ANO3: variants seen among roughly 807,000 people sequenced by gnomAD.
ANO3 encodes anoctamin-3.
A neutral mutation model predicts 144.8 loss-of-function variants in ANO3; 99 were observed. The ratio of observed to expected loss-of-function variants is 0.68; its 90% CI spans 0.58 to 0.81. The LOEUF is 0.81. Among genes scored for constraint, ANO3 ranks in the 30% least tolerant of loss-of-function variants. The probability of loss-of-function intolerance (pLI) is 0.00; values close to 1 mark genes in which losing one functional copy is unlikely to be tolerated. For synonymous variants in ANO3, 414 were observed against 392.6 expected, an observed-to-expected ratio of 1.05 and a Z score of -0.64; for missense variants, 905 against 1,202.2, an observed-to-expected ratio of 0.75 and a Z score of 3.66.
intron 24 of ANO3, among the ~76,000 whole-genome samples, chr11:26,655,902 A>G (rs965441808): frequency 6.6e-6 from 1 of 152,170 alleles, no homozygotes; most frequent in Non-Finnish European, 1.5e-5. Flanking sequence ...CCAGATGAAA[A>G]GGCAAGATAG....
chr11:26,311,274 T>G (rs1378907894), intron 1 of ANO3, among the ~76,000 whole-genome samples: 1 of 152,186 alleles, frequency 6.6e-6, no homozygotes, highest in Non-Finnish European at 1.5e-5. Flanking sequence ...ATGAGGCCAG[T>G]GCTACTACTA....
chr11:26,279,070 TG>T (rs1853620853), intron 1 of ANO3, among the ~76,000 whole-genome samples: 1 of 152,096 alleles, frequency 6.6e-6, no homozygotes, highest in South Asian at 2.1e-4. Context: ...ATAGATTGAA[TG>T]TGAGGAGACT....
At chr11:26,534,945 G>A (rs1332912641) in intron 9 of ANO3, among the ~76,000 whole-genome samples, 2 of 151,898 alleles carry the variant, frequency 1.3e-5, no homozygotes, top group African/African-American at 2.4e-5. Context: ...TGAAAAATAA[G>A]TTAGGCTGTG....
chr11:26,365,943 C>A (rs1856058278), intron 1 of ANO3, among the ~76,000 whole-genome samples: 1 of 146,464 alleles, frequency 6.8e-6, no homozygotes. Flanking sequence ...TCTCCCCAAA[C>A]CATTTTTTCT....
chr11:26,292,536 C>G (rs1463740010), intron 1 of ANO3, among the ~76,000 whole-genome samples: 1 of 152,136 alleles, frequency 6.6e-6, no homozygotes, highest in East Asian at 1.9e-4. Context: ...GGTTTCTCCC[C>G]ATCTTTGTGG....
At chr11:26,653,360 C>T (rs374542745) in intron 24 of ANO3, among the ~76,000 whole-genome samples, 44 of 151,890 alleles carry the variant, frequency 2.9e-4, no homozygotes, top group African/African-American at 9.2e-4. Flanking sequence ...TTTTTTTCCA[C>T]GCCCCACACA....
chr11:26,269,858 T>G (rs1002732957), intron 1 of ANO3, among the ~76,000 whole-genome samples: 1 of 152,232 alleles, frequency 6.6e-6, no homozygotes, highest in African/African-American at 2.4e-5. Context: ...TACCTCTCAA[T>G]GTGACCATAT....
chr11:26,482,718 T>C (rs1432664555), intron 4 of ANO3, among the ~76,000 whole-genome samples: 4 of 152,182 alleles, frequency 2.6e-5, no homozygotes, highest in South Asian at 4.1e-4. Context: ...CTGAATAGTA[T>C]ACATTGTACT....
chr11:26,247,863 G>A (rs754468192), intron 1 of ANO3, among the ~76,000 whole-genome samples: 2 of 151,164 alleles, frequency 1.3e-5, no homozygotes, highest in Admixed American at 1.3e-4. Flanking sequence ...CCGAGTAGCT[G>A]AGATTACAGG....
chr11:26,450,164 G>T (rs1286430298), intron 3 of ANO3, among the ~76,000 whole-genome samples: 1 of 152,156 alleles, frequency 6.6e-6, no homozygotes, highest in South Asian at 2.1e-4. Context: ...TTCACTAGAT[G>T]ATAGTAACTG....
In ANO3 at chr11:26,563,393, CTCTGTGTGTGTG is replaced by C. The variant is rs1369594503; in HGVS notation, c.1447+3616_1447+3627del. 153 of 825,524 alleles carry C rather than the reference CTCTGTGTGTGTG, an allele frequency of 1.9e-4. 1 individual carries two copies. The highest frequency in any genetic ancestry group is 2.6e-4 in the South Asian group (12 of 46,068). 51.1% of individuals were successfully genotyped at this position (825,524 alleles called of 1,614,324 possible). Reference sequence around the variant, plus strand: ...AAATTAGATAATGGTGTGTTTCTCTCTCTGTGTGTGTGTGTGTGTGTGTGTGTGTGTGTGTGT... The same window carrying C: ...AAATTAGATAATGGTGTGTTTCTCTCTGTGTGTGTGTGTGTGTGTGTGTGT... On this transcript the variant is annotated intron_variant, in intron 14 of 26. Coordinates refer to ENST00000256737, the MANE Select transcript of ANO3 (RefSeq NM_031418.4).
At chr11:26,224,514 T>A (rs1479900903) in intron 1 of ANO3, among the ~76,000 whole-genome samples, 1 of 152,258 alleles carries the variant, frequency 6.6e-6, no homozygotes, top group Non-Finnish European at 1.5e-5. Flanking sequence ...CACCTATACA[T>A]GCCCCCTCAG....
At chr11:26,598,572 T>C (rs1246180182) in intron 15 of ANO3, 125 bp downstream of exon 15, 2 of 663,322 alleles carry the variant, frequency 3.0e-6, no homozygotes, top group African/African-American at 3.8e-5. Context: ...TCTTTCCTAC[T>C]AAAAAGATTT....
At chr11:26,248,355 A>C (rs191689578) in intron 1 of ANO3, among the ~76,000 whole-genome samples, 23 of 152,174 alleles carry the variant, frequency 1.5e-4, no homozygotes, top group Admixed American at 1.3e-4. Context: ...AAAGAAATAA[A>C]AAAAGAAAGA....
chr11:26,288,973 G>C (rs530704454), intron 1 of ANO3, among the ~76,000 whole-genome samples: 3 of 152,216 alleles, frequency 2.0e-5, no homozygotes, highest in African/African-American at 7.2e-5. Context: ...AAAGTTTCTG[G>C]ATAATGGATT....
intron 14 of ANO3, chr11:26,560,757 A>G (rs146331140): frequency 1.3e-3 from 303 of 224,818 alleles, no homozygotes; most frequent in African/African-American, 6.6e-3. Flanking sequence ...TTTAGTTATG[A>G]GGCAGGGCTG....
intron 1 of ANO3, among the ~76,000 whole-genome samples, chr11:26,314,696 C>T (rs544148457): frequency 2.6e-5 from 4 of 152,242 alleles, no homozygotes; most frequent in East Asian, 3.9e-4. Context: ...GTTGGTCCTT[C>T]CTCTCTTTGA....
intron 1 of ANO3, among the ~76,000 whole-genome samples, chr11:26,416,600 G>C (rs1289449589): frequency 6.6e-6 from 1 of 151,774 alleles, no homozygotes; most frequent in South Asian, 2.1e-4. Context: ...CTAGTTTTTT[G>C]TATTTTAGTA....
chr11:26,462,788 T>C (rs1415248406), intron 3 of ANO3, among the ~76,000 whole-genome samples: 1 of 151,864 alleles, frequency 6.6e-6, no homozygotes, highest in Non-Finnish European at 1.5e-5. Flanking sequence ...AATTTAATTC[T>C]TCTGAAAGTC....
Sources: gnomAD v4.1 joint callset for allele counts (sites outside exome capture counted in the v4.1 genomes callset) on GRCh38, gnomAD v4.1.1 for gene constraint, MANE v1.5 for transcripts, NCBI Gene and HGNC (gene_info 2026-07-23, HGNC 2026-07-21) for gene names.